ITSN2: variants seen among roughly 807,000 people sequenced by gnomAD.
The protein encoded by ITSN2 is intersectin-2.
In ITSN2, 156 loss-of-function variants were observed where a neutral mutation model predicts 243.7. The ratio of observed to expected loss-of-function variants is 0.64; its 90% CI spans 0.56 to 0.73. The LOEUF is 0.73. ITSN2 is among the 30% of genes least tolerant of loss of function. The pLI is 0.00. For missense variants in ITSN2, 1,801 were observed against 1,996.1 expected, an observed-to-expected ratio of 0.90 and a Z score of 1.86; for synonymous variants, 703 against 699.9, an observed-to-expected ratio of 1.00 and a Z score of -0.07.
At chr2:24,271,500 A>T (rs1239036555) in intron 19 of ITSN2, among the ~76,000 whole-genome samples, 2 of 152,188 alleles carry the variant, frequency 1.3e-5, no homozygotes, top group African/African-American at 4.8e-5. Flanking sequence ...ATTTTACTTC[A>T]ATTATGAAAA....
chr2:24,312,846 G>A (rs1683420152), intron 4 of ITSN2, among the ~76,000 whole-genome samples: 1 of 152,002 alleles, frequency 6.6e-6, no homozygotes, highest in Non-Finnish European at 1.5e-5. Flanking sequence ...GAAGGAGCAG[G>A]GGAAGCGAGG....
intron 18 of ITSN2, among the ~76,000 whole-genome samples, chr2:24,273,128 C>T (rs1467464176): frequency 6.6e-6 from 1 of 152,154 alleles, no homozygotes; most frequent in East Asian, 1.9e-4. Flanking sequence ...GAAGGAATCT[C>T]GAAATCCTGG....
chr2:24,209,937 C>T lies in ITSN2; in HGVS notation c.4354G>A (p.Gly1452Arg), dbSNP rs368805575. 7 of 1,614,004 alleles carry T rather than the reference C, an allele frequency of 4.3e-6. No individual in the cohort carries two copies. The South Asian group carries it at 4.4e-5, about 10-fold the overall frequency. The change falls in exon 35 of 40, where the codon GGA becomes AGA. Residue 1452 changes from glycine (G) to arginine (R), a missense_variant. Gly to Arg is a moderately radical substitution (Grantham distance 125). Around this residue, in one of 5 missense-constraint regions of ITSN2, gnomAD observed 928 missense variants for 1,065.4 expected, o/e 0.87. Coordinates refer to ENST00000355123, the MANE Select transcript of ITSN2 (RefSeq NM_006277.3). ...YKTKSNKELHGFLFNDFLLLT... is the reference protein window; with the variant it reads ...YKTKSNKELHRFLFNDFLLLT... ...AGCAGGAAGTCATTGAAGAGGAATC[C>T]GTGCAGTTCCTTGTTGCTCTTGGTC... is the stretch of plus-strand genomic sequence containing the variant.
chr2:24,305,946 T>C (rs1421649468), intron 8 of ITSN2, among the ~76,000 whole-genome samples: 1 of 152,190 alleles, frequency 6.6e-6, no homozygotes, highest in Non-Finnish European at 1.5e-5. Flanking sequence ...TTACAGTACT[T>C]ATACAAAGCG....
intron 12 of ITSN2, 38 bp from the exon 13 acceptor site, chr2:24,298,852 A>G (rs1258326646): frequency 6.4e-7 from 1 of 1,562,200 alleles, no homozygotes; most frequent in Admixed American, 2.1e-5. Flanking sequence ...TTTTTAAATC[A>G]AAAATTTTGC....
At chr2:24,330,617 T>C (rs1456685251) in intron 1 of ITSN2, 8 of 784,526 alleles carry the variant, frequency 1.0e-5, no homozygotes, top group Non-Finnish European at 1.6e-5. Flanking sequence ...TTGCAGAAAA[T>C]GGAGATGCTA....
At chr2:24,287,131 A>C (rs1679605283) in intron 15 of ITSN2, among the ~76,000 whole-genome samples, 1 of 152,174 alleles carries the variant, frequency 6.6e-6, no homozygotes, top group Admixed American at 6.5e-5. Flanking sequence ...AGATGTGTAC[A>C]TACTCAACTT....
At chr2:24,208,401 T>A (rs1669135279) in intron 36 of ITSN2, 82 bp from the exon 37 acceptor site, 10 of 1,020,148 alleles carry the variant, frequency 9.8e-6, no homozygotes, top group Non-Finnish European at 1.5e-5. Flanking sequence ...GCACATGTTC[T>A]TCAGTCTTTT....
At position 24,298,728 on chromosome 2, in the gene ITSN2, T is replaced by A. The variant is rs1387348610; in HGVS notation, c.1431A>T (p.Glu477Asp). 6.2e-7 allele frequency: 1 copy of A among 1,613,216 alleles called. No individual in the cohort carries two copies. The stretch of plus-strand genomic sequence containing the variant: ...AGTTTAACCTGACAATTTCTTCTTG[T>A]TCTCTATTCTTTTGATTGAGAAGCT... ...RQELLNQKNREQEEIVRLNSK... is the reference protein window; with the variant it reads ...RQELLNQKNRDQEEIVRLNSK... Residue 477 changes from glutamate to aspartate, a missense_variant, in exon 13 of 40, where the codon GAA (glutamate) becomes GAT (aspartate). Transcript: ENST00000355123.
Position 24,257,988 on chromosome 2 carries a change from G to A in ITSN2, c.2788C>T (p.Gln930Ter). Reference sequence around the variant, plus strand: ...TCCCCAAACCACCAATTTTCTTGCTGCTCCAAGACAGTAATAATGTCATGT... The same window carrying A: ...TCCCCAAACCACCAATTTTCTTGCTACTCCAAGACAGTAATAATGTCATGT... ...SKHDIITVLEQQENWWFGEVH... is the reference protein window; with the variant it reads ...SKHDIITVLE The change falls in exon 23 of 40, where the codon CAG becomes TAG. Residue 930 changes from glutamine (Q) to a stop codon, truncating the protein, a stop_gained. Coordinates refer to ENST00000355123, the MANE Select transcript of ITSN2 (RefSeq NM_006277.3). LOFTEE classifies it high-confidence loss of function. The A allele has an allele frequency of 6.2e-7, 1 of 1,613,906 alleles. No individual in the cohort carries two copies. The highest frequency in any genetic ancestry group is 1.3e-5 in the African/African-American group (1 of 75,010).
intron 18 of ITSN2, 29 bp downstream of exon 18, chr2:24,275,683 AT>A (rs1256306957): frequency 6.4e-7 from 1 of 1,570,510 alleles, no homozygotes; most frequent in Non-Finnish European, 8.7e-7. Flanking sequence ...TAATGGCAAT[AT>A]AGCACAATAA....
intron 1 of ITSN2, chr2:24,334,969 A>G (rs1686193964): frequency 3.0e-6 from 1 of 336,536 alleles, no homozygotes; most frequent in East Asian, 7.3e-5. Flanking sequence ...AGGCTGAGGC[A>G]GGAGAATGGC....
intron 29 of ITSN2, among the ~76,000 whole-genome samples, chr2:24,222,206 C>T (rs967630905): frequency 2.8e-4 from 40 of 140,492 alleles, no homozygotes; most frequent in African/African-American, 8.8e-4. Flanking sequence ...GAGCCGAGAT[C>T]GCACCACTGC....
chr2:24,266,068 G>A (rs1398134071), intron 20 of ITSN2, among the ~76,000 whole-genome samples: 1 of 152,176 alleles, frequency 6.6e-6, no homozygotes, highest in African/African-American at 2.4e-5. Context: ...TTTGGAAACT[G>A]TAAAGCACTA....
At chr2:24,352,419 A>C (rs533968035) in intron 1 of ITSN2, among the ~76,000 whole-genome samples, 1 of 152,348 alleles carries the variant, frequency 6.6e-6, no homozygotes, top group East Asian at 1.9e-4. Flanking sequence ...TGTGCCAATT[A>C]TTAATAAAAG....
chr2:24,204,223 C>T lies in ITSN2; in HGVS notation c.4936+22G>A, dbSNP rs1408117365. 1.2e-6 allele frequency: 2 copies of T among 1,612,792 alleles called. No individual in the cohort carries two copies. The highest frequency in any genetic ancestry group is 3.3e-5 in the Admixed American group (2 of 60,022). ...TAGGAAACTGGGAAAGCCTTTAGATCCCCTGGCTGAGCGACACTTACCATC... is the reference window on the plus strand; with the variant it reads ...TAGGAAACTGGGAAAGCCTTTAGATTCCCTGGCTGAGCGACACTTACCATC... On this transcript the variant is annotated intron_variant, in intron 39 of 39. Transcript: ENST00000355123. This position sits in a 1 kb window ranked among gnomAD's most constrained non-coding sequence, Gnocchi z 5.1.
At chr2:24,328,309 G>T (rs1401186353) in intron 1 of ITSN2, among the ~76,000 whole-genome samples, 194 bp from the exon 2 acceptor site, 2 of 152,142 alleles carry the variant, frequency 1.3e-5, no homozygotes, top group Admixed American at 1.3e-4. Flanking sequence ...GGGTAATCGT[G>T]CTGCCTTAAT....
intron 39 of ITSN2, 39 bp from the exon 40 acceptor site, chr2:24,203,822 T>G (rs2151066060): frequency 1.3e-6 from 2 of 1,573,002 alleles, no homozygotes; most frequent in East Asian, 4.5e-5. Flanking sequence ...GTCTTTCTTC[T>G]TTATAAAATC....
intron 29 of ITSN2, among the ~76,000 whole-genome samples, chr2:24,244,198 ATGC>A (rs1673077935): frequency 6.6e-6 from 1 of 152,226 alleles, no homozygotes; most frequent in Non-Finnish European, 1.5e-5. Context: ...ACCAGAAACT[ATGC>A]TGCTTCTTTT....
Sources: gnomAD v4.1 joint callset for allele counts (sites outside exome capture counted in the v4.1 genomes callset) on GRCh38, gnomAD v4.1.1 for gene constraint, gnomAD v4.1.1 regional missense constraint, Gnocchi (gnomAD v3.1) non-coding constraint, MANE v1.5 for transcripts, NCBI Gene and HGNC (gene_info 2026-07-23, HGNC 2026-07-21) for gene names.